OR11H4: variants seen among roughly 807,000 people sequenced by gnomAD.
The protein encoded by OR11H4 is olfactory receptor family 11 subfamily H member 4, also known as olfactory receptor 11H4.
For synonymous variants in OR11H4, 162 were observed against 142.3 expected (o/e 1.14, Z -0.98); for missense variants, 460 against 371.1 (o/e 1.24, Z -1.97).
At chr14:20,239,557 G>A (rs1234805484) in intron 1 of OR11H4, among the ~76,000 whole-genome samples, 1 of 152,094 alleles carries the variant, frequency 6.6e-6, no homozygotes, top group African/African-American at 2.4e-5. Context: ...AGCCGGGCGT[G>A]ATGGCGGGCG....
chr14:20,241,914 T>C (rs1476873953), intron 1 of OR11H4, among the ~76,000 whole-genome samples: 6 of 152,050 alleles, frequency 3.9e-5, no homozygotes, highest in Admixed American at 6.6e-5. Context: ...TCCACCCAAG[T>C]ATCTCAGTGA....
At chr14:20,239,659 A>G (rs1254247647) in intron 1 of OR11H4, among the ~76,000 whole-genome samples, 1 of 151,800 alleles carries the variant, frequency 6.6e-6, no homozygotes, top group Non-Finnish European at 1.5e-5. Context: ...GCGCCACTGC[A>G]CTCCAGCCTC....
At chr14:20,241,938 A>G (rs1387558448) in intron 1 of OR11H4, among the ~76,000 whole-genome samples, 7 of 152,056 alleles carry the variant, frequency 4.6e-5, no homozygotes, top group Non-Finnish European at 1.0e-4. Flanking sequence ...AAAGAATAAC[A>G]AGGCAGCATT....
In OR11H4 at chr14:20,243,079, C is replaced by T; in HGVS notation, c.258C>T (p.Leu86=). ...TTCCTAACATGCTAGTCAACATTCT[C>T]TCCAAGACCAAGGCCATCTCATTTT... ...STIPNMLVNI[L]SKTKAISFSG... is the part of the protein sequence containing the mutation. Residue 86 remains leucine (L), a synonymous_variant, in exon 2 of 2, where the codon CTC becomes CTT. Transcript: ENST00000641082. The T allele has an allele frequency of 1.9e-6, 3 of 1,614,178 alleles. No homozygotes were observed. The highest frequency in any genetic ancestry group is 2.2e-5 in the East Asian group (1 of 44,890).
Position 20,241,994 on chromosome 14 carries a change from A to T in OR11H4, c.-11-817A>T, listed in dbSNP as rs189382725. On this transcript the variant is annotated intron_variant, in intron 1 of 1. Transcript: ENST00000641082. ...CCCACCATAGGGCGGTTTTTCTCCT[A>T]TCTCAGAATTGAACAAATGTACAAT... is the stretch of plus-strand genomic sequence containing the variant. 7.8e-3 allele frequency among the ~76,000 whole-genome samples: 1,180 copies of T among 152,122 alleles called. 9 individuals carry two copies. Among genetic ancestry groups the T allele is most frequent in the African/African-American group, 0.017 (704 of 41,494 alleles).
At chr14:20,241,597 G>A (rs1001919550) in intron 1 of OR11H4, among the ~76,000 whole-genome samples, 2 of 152,124 alleles carry the variant, frequency 1.3e-5, no homozygotes, top group African/African-American at 2.4e-5. Flanking sequence ...GGTATTTCTG[G>A]TCTGGTAGGA....
chr14:20,242,685 G>C, intron 1 of OR11H4, 126 bp from the exon 2 acceptor site: 1 of 1,098,492 alleles, frequency 9.1e-7, no homozygotes, highest in Non-Finnish European at 1.3e-6. Context: ...CCTGGTCTCA[G>C]ATTATCTCAT....
At chr14:20,239,788 G>C (rs989637271) in intron 1 of OR11H4, among the ~76,000 whole-genome samples, 2 of 152,126 alleles carry the variant, frequency 1.3e-5, no homozygotes, top group African/African-American at 2.4e-5. Flanking sequence ...CAGTATGTTT[G>C]TGTCATAAAA....
intron 1 of OR11H4, among the ~76,000 whole-genome samples, chr14:20,241,081 G>T (rs979925940): frequency 2.0e-5 from 3 of 151,990 alleles, no homozygotes; most frequent in African/African-American, 7.3e-5. Context: ...TAGGATTGCA[G>T]ATGAAGCCCC....
intron 1 of OR11H4, among the ~76,000 whole-genome samples, chr14:20,241,953 C>T (rs1264639922): frequency 1.3e-5 from 2 of 152,070 alleles, no homozygotes; most frequent in Non-Finnish European, 2.9e-5. Flanking sequence ...AGCATTACTG[C>T]CAACATGTCT....
Position 20,243,581 on chromosome 14 carries a change from ACAG to A in OR11H4, c.761_763del (p.Thr254_Val255delinsIle). On this transcript the variant is annotated inframe_deletion, in exon 2 of 2. Transcript: ENST00000641082. ...GGTTGTGGTATCTCTTTTCTATGGG[ACAG>A]TCATGGTAATGTATGTAAGTCCTAC... The A allele has an allele frequency of 6.2e-7, 1 of 1,613,734 alleles. No homozygotes were observed. Among genetic ancestry groups the A allele is most frequent in the East Asian group, 2.2e-5 (1 of 44,884 alleles).
rs202021837 is a variant in OR11H4 at position 20,243,168 on chromosome 14, C to G, written c.347C>G (p.Ala116Gly). 3 of 1,614,192 alleles carry G rather than the reference C, an allele frequency of 1.9e-6. No homozygotes were observed. The highest frequency in any genetic ancestry group is 2.5e-6 in the Non-Finnish European group (3 of 1,180,040). The stretch of plus-strand genomic sequence containing the variant: ...GGAACAACTGAATGTCTCTTTCTGG[C>G]AGTAATGGCTTATGATCGATACCTG... ...SLGTTECLFLAVMAYDRYLAI... is the reference protein window; with the variant it reads ...SLGTTECLFLGVMAYDRYLAI... The change falls in exon 2 of 2, where the codon GCA (alanine) becomes GGA (glycine). Residue 116 changes from alanine (A) to glycine (G), a missense_variant. Physicochemically the swap from Ala to Gly is moderately conservative, Grantham distance 60 (BLOSUM62 0). Transcript: ENST00000641082.
chr14:20,243,741 G>C lies in OR11H4; in HGVS notation c.920G>C (p.Gly307Ala), dbSNP rs1293977853. 1.3e-6 allele frequency: 2 copies of C among 1,580,734 alleles called. No homozygotes were observed. The highest frequency in any genetic ancestry group is 1.7e-6 in the Non-Finnish European group (2 of 1,163,920). ...CTCGCTCTGAGAAATGTCCTGTTTG[G>C]AATGAGAATTCGTCAAAATTCGTGA... ...MKLALRNVLF[G>A]MRIRQNS is the part of the protein sequence containing the mutation. The change falls in exon 2 of 2, where the codon GGA becomes GCA. Residue 307 changes from glycine to alanine, a missense_variant. Physicochemically the swap from Gly to Ala is moderately conservative, Grantham distance 60. Transcript: ENST00000641082.
intron 1 of OR11H4, among the ~76,000 whole-genome samples, chr14:20,240,768 G>T (rs968237755): frequency 6.6e-6 from 1 of 151,548 alleles, no homozygotes; most frequent in African/African-American, 2.4e-5. Flanking sequence ...GCAGACAAGG[G>T]TTTTCACCAT....
rs1164932612 is a variant in OR11H4 at position 20,243,702 on chromosome 14, A to G, written c.881A>G (p.Asn294Ser). 3 of 1,608,102 alleles carry G rather than the reference A, an allele frequency of 1.9e-6. No homozygotes were observed. The South Asian group carries it at 3.3e-5, about 18-fold the overall frequency. Residue 294 changes from asparagine to serine, a missense_variant, in exon 2 of 2, where the codon AAT becomes AGT. Asn to Ser is a conservative substitution (Grantham distance 46). Coordinates refer to ENST00000641082, the MANE Select transcript of OR11H4 (RefSeq NM_001004479.2). The stretch of plus-strand genomic sequence containing the variant: ...AATCCTCTGATCTATACTCTTCGTA[A>G]TAAGGACATGAAACTCGCTCTGAGA... ...LFNPLIYTLR[N>S]KDMKLALRNV...
chr14:20,241,568 C>T (rs576114029), intron 1 of OR11H4, among the ~76,000 whole-genome samples: 30 of 152,074 alleles, frequency 2.0e-4, no homozygotes, highest in Non-Finnish European at 3.1e-4. Context: ...GAGAGGTGGC[C>T]TGCCCCTCCA....
In OR11H4 at chr14:20,242,952, C is replaced by G; in HGVS notation, c.131C>G (p.Ala44Gly). 1.2e-6 allele frequency: 2 copies of G among 1,614,046 alleles called. No homozygotes were observed. Among genetic ancestry groups the G allele is most frequent in the Non-Finnish European group, 1.7e-6 (2 of 1,179,988 alleles). The change falls in exon 2 of 2, where the codon GCC becomes GGC. Residue 44 changes from alanine (A) to glycine (G), a missense_variant. Transcript: ENST00000641082. ...IYVLTLLGNG[A>G]IIYAVRCNPL... Reference sequence around the variant, plus strand: ...GTCTTGACCTTGCTGGGAAATGGAGCCATCATCTATGCAGTGAGATGCAAC... The same window carrying G: ...GTCTTGACCTTGCTGGGAAATGGAGGCATCATCTATGCAGTGAGATGCAAC...
chr14:20,243,820 G>T lies in OR11H4; in HGVS notation c.*54G>T, dbSNP rs1481546309. 6.6e-7 allele frequency: 1 copy of T among 1,515,484 alleles called. No individual in the cohort carries two copies. Among genetic ancestry groups the T allele is most frequent in the Non-Finnish European group, 8.8e-7 (1 of 1,132,136 alleles). 93.9% of individuals were successfully genotyped at this position (1,515,484 alleles called of 1,614,324 possible). ...TAACGAAGAACAAGGTCGAGATGTT[G>T]TCAGTTCTTTAGCAGTCTTTCAGTC... On this transcript the variant is annotated 3_prime_UTR_variant, in exon 2 of 2. Coordinates refer to ENST00000641082, the MANE Select transcript of OR11H4 (RefSeq NM_001004479.2).
intron 1 of OR11H4, among the ~76,000 whole-genome samples, chr14:20,241,613 G>T (rs1450324834): frequency 6.6e-6 from 1 of 152,184 alleles, no homozygotes; most frequent in Non-Finnish European, 1.5e-5. Flanking sequence ...TAGGACGAGA[G>T]ACTGAGAAAA....
Sources: gnomAD v4.1 joint callset for allele counts (sites outside exome capture counted in the v4.1 genomes callset) on GRCh38, gnomAD v4.1.1 for gene constraint, MANE v1.5 for transcripts, NCBI Gene and HGNC (gene_info 2026-07-23, HGNC 2026-07-21) for gene names.